EDA: variants seen among roughly 807,000 people sequenced by gnomAD.
EDA encodes the protein ectodysplasin-A.
Under a neutral mutation model 23.6 loss-of-function variants are expected in EDA, and 2 were observed. The observed-to-expected ratio is 0.08, with a 90% CI of 0.03 to 0.27. The LOEUF is 0.27. Ranked by LOEUF, EDA falls within the 10% of genes least tolerant of loss-of-function variation. The pLI, the probability that EDA is intolerant of heterozygous loss-of-function variation, is 1.00. For missense variants in EDA, 229 were observed against 324.2 expected, an observed-to-expected ratio of 0.71 and a Z score of 2.26; for synonymous variants, 131 against 132.0, an observed-to-expected ratio of 0.99 and a Z score of 0.05.
chrX:69,973,438 A>C (rs2019274800), intron 2 of EDA, among the ~76,000 whole-genome samples: 1 of 111,929 alleles, frequency 8.9e-6, no homozygotes, highest in Non-Finnish European at 1.9e-5. Flanking sequence ...CCAGTCCAGT[A>C]GAGCAAACAA....
At chrX:69,977,209 A>T (rs776604313) in intron 2 of EDA, among the ~76,000 whole-genome samples, 77 of 112,127 alleles carry the variant, frequency 6.9e-4, no homozygotes, top group Non-Finnish European at 1.3e-3. Flanking sequence ...GAAATGGCAG[A>T]CTTGAACTAG....
chrX:69,787,848 G>T (rs1345438768), intron 1 of EDA, among the ~76,000 whole-genome samples: 1 of 111,104 alleles, frequency 9.0e-6, no homozygotes, highest in African/African-American at 3.3e-5. Flanking sequence ...TGCCTTGCTA[G>T]ATTGGGGAAG....
chrX:69,917,959 A>C (rs1007015835), intron 1 of EDA, among the ~76,000 whole-genome samples: 1 of 110,722 alleles, frequency 9.0e-6, no homozygotes, highest in Non-Finnish European at 1.9e-5. Flanking sequence ...TTGTTAACTA[A>C]TTTTATACCT....
intron 1 of EDA, among the ~76,000 whole-genome samples, chrX:69,855,051 C>T (rs758298194): frequency 3.6e-5 from 4 of 111,767 alleles, no homozygotes; most frequent in Non-Finnish European, 7.5e-5. Context: ...ATTTGCATTT[C>T]CCTAATGATC....
chrX:69,845,895 A>G (rs945901873), intron 1 of EDA, among the ~76,000 whole-genome samples: 2 of 112,032 alleles, frequency 1.8e-5, no homozygotes, highest in Non-Finnish European at 3.8e-5. Context: ...GAACCATCTT[A>G]GAAGAGGATC....
chrX:70,026,284 C>A (rs1005725778), intron 3 of EDA, among the ~76,000 whole-genome samples: 1 of 111,723 alleles, frequency 9.0e-6, no homozygotes. Flanking sequence ...CAGAGGAAGT[C>A]AACAGGAAGA....
intron 2 of EDA, among the ~76,000 whole-genome samples, chrX:70,016,566 T>C (rs2019953190): frequency 1.8e-5 from 2 of 111,122 alleles, no homozygotes; most frequent in Admixed American, 1.9e-4. Flanking sequence ...ACAATAAAAA[T>C]AGAAATCAAT....
At chrX:69,913,445 T>C (rs2018297409) in intron 1 of EDA, among the ~76,000 whole-genome samples, 1 of 112,390 alleles carries the variant, frequency 8.9e-6, no homozygotes, top group Non-Finnish European at 1.9e-5. Context: ...ACCTTCCAAC[T>C]TTTCTTCTGC....
chrX:69,762,419 G>A (rs1216512940), intron 1 of EDA, among the ~76,000 whole-genome samples: 1 of 111,741 alleles, frequency 8.9e-6, no homozygotes. Context: ...TTCCCTCTGC[G>A]AGGAAGGCTT....
chrX:69,652,756 G>C (rs1013710013), intron 1 of EDA, among the ~76,000 whole-genome samples: 3 of 112,003 alleles, frequency 2.7e-5, no homozygotes, highest in African/African-American at 9.7e-5. Context: ...AAAAGATATA[G>C]TGCTTAAAAT....
At chrX:69,734,706 A>G (rs940041005) in intron 1 of EDA, among the ~76,000 whole-genome samples, 1 of 111,895 alleles carries the variant, frequency 8.9e-6, no homozygotes, top group African/African-American at 3.2e-5. Context: ...TGAGATAGAT[A>G]TTGTTTAATT....
At chrX:69,784,142 G>C (rs1476509004) in intron 1 of EDA, among the ~76,000 whole-genome samples, 3 of 92,505 alleles carry the variant, frequency 3.2e-5, no homozygotes, top group Admixed American at 2.4e-4. Context: ...GGGGTTGTTT[G>C]TTTTTTTCTT....
intron 1 of EDA, among the ~76,000 whole-genome samples, chrX:69,862,591 T>C (rs1004680699): frequency 6.3e-5 from 7 of 111,022 alleles, no homozygotes; most frequent in African/African-American, 2.3e-4. Flanking sequence ...ACTACAGTCA[T>C]GTGCCACCAT....
At chrX:69,752,394 C>T (rs773813845) in intron 1 of EDA, among the ~76,000 whole-genome samples, 257 of 111,494 alleles carry the variant, frequency 2.3e-3, no homozygotes, top group Non-Finnish European at 3.5e-3. Context: ...GATTTGCGTA[C>T]GTTGAACCAG....
At chrX:69,940,025 C>T (rs1327147606) in intron 1 of EDA, among the ~76,000 whole-genome samples, 1 of 110,796 alleles carries the variant, frequency 9.0e-6, no homozygotes, top group Admixed American at 9.5e-5. Context: ...CAATGTTTAT[C>T]AGGGATATTG....
intron 1 of EDA, among the ~76,000 whole-genome samples, chrX:69,874,464 C>T (rs2017613644): frequency 8.9e-6 from 1 of 112,104 alleles, no homozygotes. Context: ...TTAAAACCCT[C>T]AGCAAAATCA....
chrX:69,826,955 A>G (rs1161429685), intron 1 of EDA, among the ~76,000 whole-genome samples: 3 of 111,964 alleles, frequency 2.7e-5, no homozygotes, highest in Non-Finnish European at 1.9e-5. Context: ...TCCTTCACTT[A>G]TGAAGCTTAG....
chrX:69,672,401 T>C (rs1390987132), intron 1 of EDA: 1 of 111,894 alleles, frequency 8.9e-6, no homozygotes. Context: ...GCAAGGTCAT[T>C]TTCTGAAAAG....
intron 1 of EDA, among the ~76,000 whole-genome samples, chrX:69,733,544 C>T (rs1302528804): frequency 6.2e-5 from 7 of 112,006 alleles, no homozygotes; most frequent in African/African-American, 2.3e-4. Flanking sequence ...ATGATGCCTC[C>T]AGCTTTGTTC....
Sources: allele counts gnomAD v4.1 joint callset (sites outside exome capture counted in the v4.1 genomes callset), GRCh38; gene constraint gnomAD v4.1.1; transcripts MANE v1.5; gene names NCBI Gene and HGNC (gene_info 2026-07-23, HGNC 2026-07-21).